ANXA13: variants seen among roughly 807,000 people sequenced by gnomAD.
ANXA13 encodes annexin A13, also known as annexin XIII.
ANXA13 carries 36 observed loss-of-function variants against 46.6 expected under a neutral mutation model. The observed-to-expected ratio is 0.77, with a 90% CI of 0.59 to 1.02. The LOEUF (loss-of-function observed/expected upper bound fraction) is 1.02, where lower values mean the gene tolerates loss of function less well. Among genes scored for constraint, ANXA13 ranks in the 50% least tolerant of loss-of-function variants. The pLI is 0.00. For missense variants in ANXA13, 417 were observed against 396.5 expected (o/e 1.05, Z -0.44); for synonymous variants, 163 against 152.9 (o/e 1.07, Z -0.49).
chr8:123,718,571 G>T (rs1452339094), intron 1 of ANXA13, among the ~76,000 whole-genome samples: 2 of 152,196 alleles, frequency 1.3e-5, no homozygotes, highest in East Asian at 3.8e-4. Context: ...AGTGCTGTCA[G>T]CTCTATGAAA....
rs185902190 is a variant in ANXA13 at position 123,720,208 on chromosome 8, G to A, written c.16-7455C>T. 4.4e-3 allele frequency among the ~76,000 whole-genome samples: 672 copies of A among 152,294 alleles called. 8 individuals are homozygous for A. Among genetic ancestry groups the A allele is most frequent in the African/African-American group, 0.014 (599 of 41,548 alleles). On this transcript the variant is annotated intron_variant, in intron 1 of 10. Transcript: ENST00000419625. The stretch of plus-strand genomic sequence containing the variant: ...CCCCCGGGAAGAGCCAGGGAGCAGA[G>A]GGCAGAGGGCTAACTGTACACTGAT...
intron 3 of ANXA13, among the ~76,000 whole-genome samples, chr8:123,700,883 T>C (rs1321579018): frequency 1.3e-5 from 2 of 151,916 alleles, no homozygotes; most frequent in Non-Finnish European, 2.9e-5. Context: ...AGTGCAGTGG[T>C]GCAACTACGG....
chr8:123,708,845 C>G (rs1471052630), intron 2 of ANXA13, among the ~76,000 whole-genome samples: 1 of 152,170 alleles, frequency 6.6e-6, no homozygotes, highest in Non-Finnish European at 1.5e-5. Flanking sequence ...CCTTAGCATT[C>G]TTGGGTTTCT....
At chr8:123,736,170 C>G (rs113405898) in intron 1 of ANXA13, among the ~76,000 whole-genome samples, 3 of 152,192 alleles carry the variant, frequency 2.0e-5, no homozygotes, top group African/African-American at 7.2e-5. Context: ...TTGTAAACAT[C>G]TGAGTGCAGC....
At chr8:123,699,632 A>G (rs376087311) in intron 3 of ANXA13, among the ~76,000 whole-genome samples, 15 of 152,266 alleles carry the variant, frequency 9.9e-5, no homozygotes, top group Non-Finnish European at 1.6e-4. Flanking sequence ...TACCTAGAGT[A>G]GTTAATGCCC....
chr8:123,695,628 TC>T, intron 5 of ANXA13, 47 bp from the exon 6 acceptor site: 1 of 1,611,178 alleles, frequency 6.2e-7, no homozygotes, highest in Non-Finnish European at 8.5e-7. Context: ...TGATTTAGTT[TC>T]CCAGAGGTAT....
chr8:123,731,021 C>T lies in ANXA13; in HGVS notation c.15+6299G>A, dbSNP rs550729763. ...CCCCATAGTCAATGCTGAGGCACAG[C>T]CCCAGCCTGGGCATGGGAAAGGCTT... On this transcript the variant is annotated intron_variant, in intron 1 of 10. Coordinates refer to ENST00000419625, the MANE Select transcript of ANXA13 (RefSeq NM_004306.4). 9.8e-5 allele frequency among the ~76,000 whole-genome samples: 15 copies of T among 152,324 alleles called. No homozygotes were observed. In the East Asian group the frequency reaches 1.5e-3, roughly 16 times the overall value.
intron 4 of ANXA13, among the ~76,000 whole-genome samples, chr8:123,696,434 T>G (rs1194431400): frequency 6.6e-6 from 1 of 152,198 alleles, no homozygotes; most frequent in Non-Finnish European, 1.5e-5. Flanking sequence ...TAGTTTCTCT[T>G]GAGGGTGTGT....
In ANXA13 at chr8:123,695,487, C is replaced by T. The variant is rs542031878; in HGVS notation, c.471+15G>A. The T allele has an allele frequency of 2.9e-5, 46 of 1,605,974 alleles. No homozygotes were observed. Among genetic ancestry groups the T allele is most frequent in the Middle Eastern group, 3.3e-4 (2 of 6,074 alleles). ...TCCTAAGATGATAAAACAGGTGACA[C>T]CTCTTTCCTCTTACCTGCAGCAGAG... On this transcript the variant is annotated intron_variant, in intron 6 of 10. Coordinates refer to ENST00000419625, the MANE Select transcript of ANXA13 (RefSeq NM_004306.4).
intron 2 of ANXA13, among the ~76,000 whole-genome samples, chr8:123,706,258 C>T (rs1384292729): frequency 6.6e-6 from 1 of 152,208 alleles, no homozygotes; most frequent in Admixed American, 6.5e-5. Flanking sequence ...AAAAAAACTT[C>T]GGAGTGTCAG....
At chr8:123,693,413 C>A in intron 7 of ANXA13, 115 bp from the exon 8 acceptor site, 1 of 892,032 alleles carries the variant, frequency 1.1e-6, no homozygotes, top group South Asian at 1.6e-5. Context: ...GAATAGAAGT[C>A]AAATGGACTA....
intron 3 of ANXA13, among the ~76,000 whole-genome samples, chr8:123,698,934 G>T (rs1204695715): frequency 6.6e-6 from 1 of 152,194 alleles, no homozygotes; most frequent in Non-Finnish European, 1.5e-5. Context: ...TATTCAGCTA[G>T]GAAGGGCTGA....
intron 9 of ANXA13, among the ~76,000 whole-genome samples, 167 bp downstream of exon 9, chr8:123,688,704 G>A (rs927770385): frequency 2.6e-5 from 4 of 152,022 alleles, no homozygotes; most frequent in Admixed American, 1.3e-4. Context: ...GATCAGCAAC[G>A]CCCCTGTTGC....
chr8:123,681,518 T>A (rs1027917811), intron 10 of ANXA13, among the ~76,000 whole-genome samples, 159 bp from the exon 11 acceptor site: 4 of 152,180 alleles, frequency 2.6e-5, no homozygotes, highest in African/African-American at 9.7e-5. Flanking sequence ...TTTATCACGT[T>A]ATTTCAATTT....
rs532953975 is a variant in ANXA13 at position 123,737,229 on chromosome 8, G to A, written c.15+91C>T. 7.3e-5 allele frequency: 91 copies of A among 1,239,446 alleles called. No homozygotes were observed. In the African/African-American group the frequency reaches 1.2e-3, roughly 17 times the overall value. 76.8% of individuals were successfully genotyped at this position (1,239,446 alleles called of 1,614,324 possible). On this transcript the variant is annotated intron_variant, in intron 1 of 10. Transcript: ENST00000419625. ...ATTAAAGGGTAACCATAGTGATAAA[G>A]TATACAAGTATCAGTCATGATTTTA...
Position 123,695,739 on chromosome 8 carries a change from C to T in ANXA13, c.358-18G>A, listed in dbSNP as rs767361149. The T allele has an allele frequency of 3.7e-6, 6 of 1,602,496 alleles. No homozygotes were observed. In the East Asian group the frequency reaches 1.3e-4, roughly 36 times the overall value. On this transcript the variant is annotated intron_variant, in intron 4 of 10. Transcript: ENST00000419625. ...ATGATTTCCTAGGGAAGGTAATTTA[C>T]AAAAAAATCAATATTCCAAGGAGGG... is the stretch of plus-strand genomic sequence containing the variant.
At chr8:123,691,458 ACTGT>A (rs1430659732) in intron 8 of ANXA13, among the ~76,000 whole-genome samples, 1 of 152,186 alleles carries the variant, frequency 6.6e-6, no homozygotes, top group Non-Finnish European at 1.5e-5. Flanking sequence ...GATTTTTGGC[ACTGT>A]CTGTTCACCC....
chr8:123,698,283 T>C, intron 4 of ANXA13, 106 bp downstream of exon 4: 2 of 1,265,860 alleles, frequency 1.6e-6, no homozygotes, highest in South Asian at 2.9e-5. Flanking sequence ...CCCAGACACC[T>C]GCTCAGTCCA....
intron 1 of ANXA13, among the ~76,000 whole-genome samples, chr8:123,730,864 T>TG (rs1211124748): frequency 9.2e-5 from 14 of 151,414 alleles, no homozygotes; most frequent in Non-Finnish European, 1.5e-4. Context: ...CTGGGTGGGG[T>TG]GGGGAAATGA....
Sources: allele counts gnomAD v4.1 joint callset (sites outside exome capture counted in the v4.1 genomes callset), GRCh38; gene constraint gnomAD v4.1.1; transcripts MANE v1.5; gene names NCBI Gene and HGNC (gene_info 2026-07-23, HGNC 2026-07-21).